Variants in ADAMTS20 observed in about 807,000 individuals in gnomAD.
The protein encoded by ADAMTS20 is ADAM metallopeptidase with thrombospondin type 1 motif 20.
A neutral mutation model predicts 260.1 loss-of-function variants in ADAMTS20; 225 were observed. The observed-to-expected ratio is 0.87, with a 90% CI of 0.78 to 0.97. The LOEUF is 0.97. Among genes scored for constraint, ADAMTS20 ranks in the 50% least tolerant of loss-of-function variants. The pLI is 0.00. For synonymous variants in ADAMTS20, 802 were observed against 769.5 expected, an observed-to-expected ratio of 1.04 and a Z score of -0.70; for missense variants, 2,400 against 2,337.7, an observed-to-expected ratio of 1.03 and a Z score of -0.55.
chr12:43,364,299 A>G (rs903547127), intron 37 of ADAMTS20, among the ~76,000 whole-genome samples: 4 of 152,210 alleles, frequency 2.6e-5, no homozygotes, highest in African/African-American at 7.2e-5. Flanking sequence ...TGAAATGTCC[A>G]GTTTTCAACA....
At chr12:43,470,155 T>A (rs879703769) in intron 7 of ADAMTS20, among the ~76,000 whole-genome samples, 6 of 152,230 alleles carry the variant, frequency 3.9e-5, no homozygotes, top group African/African-American at 7.2e-5. Flanking sequence ...AGTTGTTTAG[T>A]GGATCATCAT....
chr12:43,502,573 T>A (rs1454080694), intron 3 of ADAMTS20, among the ~76,000 whole-genome samples, 168 bp from the exon 4 acceptor site: 1 of 152,164 alleles, frequency 6.6e-6, no homozygotes, highest in Admixed American at 6.5e-5. Context: ...TACAGCATTA[T>A]CATGAAGATT....
chr12:43,378,771 G>A (rs983350528), intron 31 of ADAMTS20, among the ~76,000 whole-genome samples: 4 of 152,166 alleles, frequency 2.6e-5, no homozygotes, highest in African/African-American at 9.7e-5. Flanking sequence ...CCCTAGAGGG[G>A]TGACATCTGT....
At chr12:43,435,653 A>T (rs11182072) in intron 18 of ADAMTS20, among the ~76,000 whole-genome samples, 2 of 143,160 alleles carry the variant, frequency 1.4e-5, no homozygotes, top group Non-Finnish European at 3.0e-5. Context: ...AAAAAAAAAA[A>T]AAAACAAAAA....
intron 3 of ADAMTS20, 55 bp downstream of exon 3, chr12:43,531,981 A>G (rs1013530589): frequency 7.6e-5 from 88 of 1,164,098 alleles, no homozygotes; most frequent in Non-Finnish European, 9.8e-5. Flanking sequence ...ACCTATAAAA[A>G]AAGATTTAAA....
Position 43,383,565 on chromosome 12 carries a change from G to A in ADAMTS20, c.4790C>T (p.Ser1597Leu). Residue 1597 changes from serine to leucine, a missense_variant, in exon 31 of 39, where the codon TCA (serine) becomes TTA (leucine). Physicochemically the swap from Ser to Leu is moderately radical, Grantham distance 145. Transcript: ENST00000389420. Reference protein sequence around the residue: ...PCNYIVVTADSSQCANNCGFS... With the variant: ...PCNYIVVTADLSQCANNCGFS... ...TTCCTTTCTTTACCTTACCTGTGAT[G>A]AGTCTGCTGTTACCACAATGTAATT... The A allele has an allele frequency of 6.2e-7, 1 of 1,608,460 alleles. No individual in the cohort carries two copies. The highest frequency in any genetic ancestry group is 8.5e-7 in the Non-Finnish European group (1 of 1,177,420).
intron 18 of ADAMTS20, among the ~76,000 whole-genome samples, chr12:43,438,042 T>C (rs1283823426): frequency 1.3e-5 from 2 of 152,164 alleles, no homozygotes; most frequent in African/African-American, 4.8e-5. Context: ...AATTTAACTT[T>C]AACTTTAGAG....
At chr12:43,395,895 G>T (rs1461399856) in intron 29 of ADAMTS20, among the ~76,000 whole-genome samples, 12 of 151,850 alleles carry the variant, frequency 7.9e-5, no homozygotes, top group African/African-American at 2.9e-4. Flanking sequence ...CCTAGAGATT[G>T]TGCATTTGGA....
chr12:43,392,454 C>G (rs1238952024), intron 29 of ADAMTS20, among the ~76,000 whole-genome samples: 1 of 152,018 alleles, frequency 6.6e-6, no homozygotes, highest in Non-Finnish European at 1.5e-5. Flanking sequence ...ACTAAGAGAG[C>G]AGCTAGCTAC....
intron 6 of ADAMTS20, 27 bp from the exon 7 acceptor site, chr12:43,490,462 C>A: frequency 1.6e-6 from 2 of 1,226,894 alleles, no homozygotes; most frequent in South Asian, 1.6e-5. Context: ...TATTTTGAAG[C>A]ATTTTTGGAA....
chr12:43,432,883 C>A, intron 19 of ADAMTS20, 72 bp from the exon 20 acceptor site: 2 of 1,292,414 alleles, frequency 1.5e-6, no homozygotes, highest in Non-Finnish European at 1.1e-6. Context: ...GACACTCATG[C>A]ATTCAGTTTT....
intron 2 of ADAMTS20, among the ~76,000 whole-genome samples, chr12:43,540,071 A>G (rs890323221): frequency 8.6e-5 from 13 of 151,984 alleles, no homozygotes; most frequent in African/African-American, 3.1e-4. Context: ...TTTAGTAGAG[A>G]CGGGGTTTCA....
At chr12:43,382,339 TAA>T (rs945876766) in intron 31 of ADAMTS20, among the ~76,000 whole-genome samples, 49 of 152,320 alleles carry the variant, frequency 3.2e-4, no homozygotes, top group African/African-American at 1.0e-3. Context: ...AAAACTTGTA[TAA>T]AGTTTTAAAA....
intron 11 of ADAMTS20, 76 bp from the exon 12 acceptor site, chr12:43,454,128 T>G: frequency 6.7e-7 from 1 of 1,490,346 alleles, no homozygotes; most frequent in Non-Finnish European, 9.0e-7. Flanking sequence ...AATAGCAGCA[T>G]AAAGATCAAC....
intron 31 of ADAMTS20, among the ~76,000 whole-genome samples, chr12:43,379,480 C>T (rs1251048614): frequency 1.3e-5 from 2 of 152,046 alleles, no homozygotes; most frequent in Admixed American, 6.6e-5. Context: ...TCCAGCTGAC[C>T]TCAAGGCTCT....
intron 8 of ADAMTS20, 50 bp downstream of exon 8, chr12:43,468,550 G>A (rs1031374151): frequency 3.5e-6 from 4 of 1,139,264 alleles, no homozygotes; most frequent in Non-Finnish European, 5.2e-6. Context: ...CAGGCATTCT[G>A]TGCAAAGATA....
intron 3 of ADAMTS20, among the ~76,000 whole-genome samples, chr12:43,529,325 T>A (rs1454110069): frequency 6.6e-6 from 1 of 152,068 alleles, no homozygotes; most frequent in East Asian, 1.9e-4. Flanking sequence ...GGAAAAGAAA[T>A]CATTATATGA....
Position 43,452,511 on chromosome 12 carries a change from T to C in ADAMTS20, c.1942+3A>G. On this transcript the variant is annotated splice_donor_region_variant and intron_variant, in intron 13 of 38. Coordinates refer to ENST00000389420, the MANE Select transcript of ADAMTS20 (RefSeq NM_025003.5). The stretch of plus-strand genomic sequence containing the variant: ...CATCAAAGAACCAGCATAATTTACT[T>C]ACTGCCACTGTATCTTGGAAGCCAC... 3 of 1,609,946 alleles carry C rather than the reference T, an allele frequency of 1.9e-6. No homozygotes were observed. The highest frequency in any genetic ancestry group is 2.5e-6 in the Non-Finnish European group (3 of 1,177,296).
At position 43,502,997 on chromosome 12, in the gene ADAMTS20, A is replaced by T. The variant is rs927947997; in HGVS notation, c.614-592T>A. On this transcript the variant is annotated intron_variant, in intron 3 of 38. Coordinates refer to ENST00000389420, the MANE Select transcript of ADAMTS20 (RefSeq NM_025003.5). The stretch of plus-strand genomic sequence containing the variant: ...GATTATATAAAATACCTGATTTATT[A>T]TGTTTGCTTATATATAAATACTGCA... 2.0e-5 allele frequency among the ~76,000 whole-genome samples: 3 copies of T among 152,196 alleles called. No homozygotes were observed. In the East Asian group the frequency reaches 5.8e-4, roughly 29 times the overall value.
Sources: allele counts gnomAD v4.1 joint callset (sites outside exome capture counted in the v4.1 genomes callset), GRCh38; gene constraint gnomAD v4.1.1; transcripts MANE v1.5; gene names NCBI Gene and HGNC (gene_info 2026-07-23, HGNC 2026-07-21).